The following PRMT8 variants were observed in gnomAD, a reference collection of about 807,000 sequenced individuals.
PRMT8 encodes the protein protein arginine N-methyltransferase 8.
In PRMT8, 7 loss-of-function variants were observed where a neutral mutation model predicts 47.1. The observed-to-expected ratio is 0.15, with a 90% CI of 0.08 to 0.28. The LOEUF (loss-of-function observed/expected upper bound fraction) is 0.28. Among genes scored for constraint, PRMT8 ranks in the 10% least tolerant of loss-of-function variants. PRMT8 has a pLI of 1.00. For synonymous variants in PRMT8, 188 were observed against 186.5 expected (o/e 1.01, Z -0.07); for missense variants, 237 against 505.4 (o/e 0.47, Z 5.09).
At chr12:3,406,230 T>C (rs1864371643) in intron 1 of PRMT8, among the ~76,000 whole-genome samples, 1 of 152,252 alleles carries the variant, frequency 6.6e-6, no homozygotes, top group South Asian at 2.1e-4. Flanking sequence ...GACAAGGTTC[T>C]GGGGCTACAC....
intron 1 of PRMT8, among the ~76,000 whole-genome samples, chr12:3,387,347 G>A (rs1864150791): frequency 6.6e-6 from 1 of 152,180 alleles, no homozygotes; most frequent in African/African-American, 2.4e-5. Flanking sequence ...CAGCAACATG[G>A]ATTGAGTTAT....
chr12:3,554,948 G>A (rs1866499270), intron 4 of PRMT8, among the ~76,000 whole-genome samples: 1 of 152,178 alleles, frequency 6.6e-6, no homozygotes, highest in African/African-American at 2.4e-5. Context: ...AGGCCCAGGT[G>A]GTACCTGCCT....
rs141541904 is a variant in PRMT8 at position 3,589,330 on chromosome 12, C to T, written c.980-2901C>T. ...CTCATCTCATCTCATCCTCACAATA[C>T]GTCAGGAGGTGAATATCATGAGCCA... is the stretch of plus-strand genomic sequence containing the variant. On this transcript the variant is annotated intron_variant, in intron 8 of 9. Transcript: ENST00000382622. 9.9e-3 allele frequency among the ~76,000 whole-genome samples: 1,510 copies of T among 152,210 alleles called. 14 individuals carry two copies. The highest frequency in any genetic ancestry group is 0.014 in the Non-Finnish European group (967 of 68,014).
upstream of PRMT8, among the ~76,000 whole-genome samples, chr12:3,488,797 T>G (rs888669361): frequency 6.6e-6 from 1 of 152,210 alleles, no homozygotes; most frequent in Admixed American, 6.5e-5. Context: ...TTCTACAAAG[T>G]ACCTACTATG....
chr12:3,522,984 C>T (rs1303134430), intron 1 of PRMT8, among the ~76,000 whole-genome samples: 1 of 138,240 alleles, frequency 7.2e-6, no homozygotes, highest in Non-Finnish European at 1.6e-5. Context: ...AGGGGGTTCA[C>T]AATTATTAAA....
intron 1 of PRMT8, among the ~76,000 whole-genome samples, chr12:3,397,078 A>C (rs1358016836): frequency 2.1e-4 from 32 of 150,728 alleles, no homozygotes; most frequent in Non-Finnish European, 4.2e-4. Context: ...TCCTTTAAGC[A>C]CTTCTCTGTA....
chr12:3,491,831 CCTGTGTGTGTGTGT>C (rs1865409184), intron 1 of PRMT8, 131 bp downstream of exon 1: 3 of 738,920 alleles, frequency 4.1e-6, no homozygotes. Context: ...CCGGCCTCCT[CCTGTGTGTGTGTGT>C]GTGTGTGTGT....
chr12:3,487,997 A>C (rs1409731750), upstream of PRMT8, among the ~76,000 whole-genome samples: 3 of 152,222 alleles, frequency 2.0e-5, no homozygotes, highest in Non-Finnish European at 4.4e-5. Context: ...TGTATAGCCA[A>C]GGTTGAGAAC....
Position 3,566,846 on chromosome 12 carries a change from A to T in PRMT8, c.482-1860A>T, listed in dbSNP as rs549495123. Among the ~76,000 whole-genome samples, 160 of 152,312 alleles carry T rather than the reference A, an allele frequency of 1.1e-3. No individual in the cohort carries two copies. The highest frequency in any genetic ancestry group is 2.7e-3 in the Admixed American group (41 of 15,298). On this transcript the variant is annotated intron_variant, in intron 4 of 9. Transcript: ENST00000382622. This position sits in a 1 kb window ranked among gnomAD's most constrained non-coding sequence, Gnocchi z 4.7. ...AGAATGAGAGTTTCAGAGCATGAAT[A>T]TATGTAACCTTTCAAAGGAAATGTT...
rs1187322473 is a variant in PRMT8, at chr12:3,390,493, A to C, written c.48+9051A>C. On this transcript the variant is annotated intron_variant, in intron 1 of 9. Coordinates refer to the PRMT8 transcript ENST00000452611. ...CCTTAACAACTGTGACAATTGAATG[A>C]CATTTTACTGTGCCAGTCTGTTTAT... 3.3e-5 allele frequency among the ~76,000 whole-genome samples: 5 copies of C among 152,208 alleles called. No homozygotes were observed. The East Asian group carries it at 9.6e-4, about 29-fold the overall frequency.
chr12:3,534,866 C>G (rs185279105), intron 1 of PRMT8, among the ~76,000 whole-genome samples: 1 of 152,384 alleles, frequency 6.6e-6, no homozygotes, highest in East Asian at 1.9e-4. Context: ...TACTGGTTGA[C>G]ATCTTGGCTG....
At chr12:3,457,973 G>A (rs1027840086) in intron 1 of PRMT8, among the ~76,000 whole-genome samples, 1 of 151,172 alleles carries the variant, frequency 6.6e-6, no homozygotes, top group Non-Finnish European at 1.5e-5. Context: ...CTCCTGAGTA[G>A]CTGGGACTAT....
intron 1 of PRMT8, chr12:3,468,951 T>C (rs1865133419): frequency 4.5e-6 from 1 of 222,942 alleles, no homozygotes; most frequent in African/African-American, 2.3e-5. Flanking sequence ...GCCTCCAAGA[T>C]GACAAAGAAA....
chr12:3,519,180 G>A (rs377129395), intron 1 of PRMT8, among the ~76,000 whole-genome samples: 4 of 152,048 alleles, frequency 2.6e-5, no homozygotes, highest in East Asian at 3.9e-4. Context: ...CGTGGCCAGA[G>A]AGAGAAAGAA....
rs11832123 is a variant in PRMT8 at position 3,579,151 on chromosome 12, T to C, written c.828+2165T>C. On this transcript the variant is annotated intron_variant, in intron 7 of 9. Coordinates refer to ENST00000382622, the MANE Select transcript of PRMT8 (RefSeq NM_019854.5). ...ACAAGGCACTTCTGTAAATGTAGAA[T>C]AGATAGAAGTCCACTAGTGCAACTG... Among the ~76,000 whole-genome samples, 1,338 of 152,304 alleles carry C rather than the reference T, an allele frequency of 8.8e-3. 17 individuals carry two copies. The highest frequency in any genetic ancestry group is 0.03 in the African/African-American group (1,259 of 41,566).
At position 3,550,772 on chromosome 12, in the gene PRMT8, C is replaced by T. The variant is rs1866403685; in HGVS notation, c.417+681C>T. The T allele has an allele frequency of 6.6e-6, 1 of 152,196 alleles. No homozygotes were observed. Among genetic ancestry groups the T allele is most frequent in the African/African-American group, 2.4e-5 (1 of 41,428 alleles). 9.4% of individuals were successfully genotyped at this position (152,196 alleles called of 1,614,324 possible). On this transcript the variant is annotated intron_variant, in intron 3 of 9. Coordinates refer to ENST00000382622, the MANE Select transcript of PRMT8 (RefSeq NM_019854.5). The surrounding 1 kb of genome is among the most constrained non-coding windows in gnomAD (Gnocchi z 5.1). ...GGCTGACCCTCTGGGAAGCCTCCTA[C>T]CTATCCCCTGGCTCTCCCAAGGCAG...
chr12:3,411,478 G>A (rs1438401249), intron 1 of PRMT8, among the ~76,000 whole-genome samples: 1 of 152,104 alleles, frequency 6.6e-6, no homozygotes, highest in Non-Finnish European at 1.5e-5. Flanking sequence ...TACTGGAGGT[G>A]GAACTTTCAA....
chr12:3,381,493 A>C, intron 1 of PRMT8: 1 of 1,517,678 alleles, frequency 6.6e-7, no homozygotes, highest in East Asian at 2.4e-5. Context: ...CTGCAAGTGA[A>C]ATAGTGCAAT....
Position 3,468,933 on chromosome 12 carries a change from C to T in PRMT8, c.49-71673C>T, listed in dbSNP as rs974035347. On this transcript the variant is annotated intron_variant, in intron 1 of 9. Transcript: ENST00000452611. ...AGAAATAAAGGAAGGCTCCTCTCTC[C>T]AGTCCATGCCTCCAAGATGACAAAG... is the stretch of plus-strand genomic sequence containing the variant. The T allele has an allele frequency of 4.5e-4, 97 of 213,362 alleles. 1 individual carries two copies. The highest frequency in any genetic ancestry group is 2.3e-3 in the African/African-American group (97 of 42,526). 13.2% of individuals were successfully genotyped at this position (213,362 alleles called of 1,614,324 possible).
Sources: gnomAD v4.1 joint callset for allele counts (sites outside exome capture counted in the v4.1 genomes callset) on GRCh38, gnomAD v4.1.1 for gene constraint, Gnocchi (gnomAD v3.1) non-coding constraint, MANE v1.5 for transcripts, NCBI Gene and HGNC (gene_info 2026-07-23, HGNC 2026-07-21) for gene names.